Variants in ZFHX2 observed in about 807,000 individuals in gnomAD.
ZFHX2 encodes the protein zinc finger homeobox protein 2.
ZFHX2 carries 75 observed loss-of-function variants against 164.8 expected under a neutral mutation model. The observed-to-expected ratio is 0.46, with a 90% confidence interval of 0.38 to 0.55. The LOEUF (loss-of-function observed/expected upper bound fraction) is 0.55, where lower values mean the gene tolerates loss of function less well. ZFHX2 is among the 20% of genes least tolerant of loss of function. The probability of loss-of-function intolerance (pLI) is 0.00; values close to 1 mark genes in which losing one functional copy is unlikely to be tolerated. For synonymous variants in ZFHX2, 1,217 were observed against 1,351.4 expected (o/e 0.90, Z 2.18); for missense variants, 2,933 against 3,308.0 (o/e 0.89, Z 2.78).
Position 23,530,168 on chromosome 14 carries a change from C to A in ZFHX2, c.2827G>T (p.Glu943Ter), listed in dbSNP as rs779015883. 1 of 1,535,658 alleles carries A rather than the reference C, an allele frequency of 6.5e-7. No individual in the cohort carries two copies. Among genetic ancestry groups the A allele is most frequent in the South Asian group, 1.2e-5 (1 of 84,036 alleles). Reference sequence around the variant, plus strand: ...GCATCTTTCTCAGGGGTGGGTGGCTCAGCTAAGGGGGTGACAGGAGCCTTC... The same window carrying A: ...GCATCTTTCTCAGGGGTGGGTGGCTAAGCTAAGGGGGTGACAGGAGCCTTC... ...PGKAPVTPLA[E>*]PPTPEKDAQN... The change falls in exon 5 of 10, where the codon GAG (glutamate) becomes TAG (stop). Residue 943 changes from glutamate to a stop codon, truncating the protein, a stop_gained. Coordinates refer to ENST00000419474, the MANE Select transcript of ZFHX2 (RefSeq NM_033400.3). LOFTEE classifies it high-confidence loss of function.
chr14:23,526,158 T>C lies in ZFHX2; in HGVS notation c.3784A>G (p.Thr1262Ala). The C allele has an allele frequency of 5.2e-6, 8 of 1,536,268 alleles. No homozygotes were observed. The highest frequency in any genetic ancestry group is 7.0e-6 in the Non-Finnish European group (8 of 1,146,866). Residue 1262 changes from threonine to alanine, a missense_variant, in exon 9 of 10, where the codon ACC becomes GCC. Physicochemically the swap from Thr to Ala is moderately conservative, Grantham distance 58 (BLOSUM62 0). Transcript: ENST00000419474. ...ACTGACCGCATGTGGATCTCCAGGGTGGAGCTCTGGTTGTAGGAGACTCTG... is the reference window on the plus strand; with the variant it reads ...ACTGACCGCATGTGGATCTCCAGGGCGGAGCTCTGGTTGTAGGAGACTCTG... Reference protein sequence around the residue: ...VCRVSYNQSSTLEIHMRSVLH... With the variant: ...VCRVSYNQSSALEIHMRSVLH...
rs45592438 is a variant in ZFHX2 at position 23,521,624 on chromosome 14, G to A, written c.*338C>T. The stretch of plus-strand genomic sequence containing the variant: ...GAGCTGGGAATTCAGTGAGGAAAAG[G>A]AAGATAGAACCAAGGATATATTTTG... On this transcript the variant is annotated 3_prime_UTR_variant, in exon 10 of 10. Coordinates refer to ENST00000419474, the MANE Select transcript of ZFHX2 (RefSeq NM_033400.3). The A allele has an allele frequency of 0.018, 4,597 of 249,930 alleles. 59 individuals carry two copies. The highest frequency in any genetic ancestry group is 0.025 in the Non-Finnish European group (3,304 of 130,342). The allele number at this position is 249,930 out of a possible 1,614,324, so 15.5% of individuals were successfully genotyped here.
At chr14:23,528,758 A>T (rs1879119762) in intron 6 of ZFHX2, 1 of 985,202 alleles carries the variant, frequency 1.0e-6, no homozygotes, top group Non-Finnish European at 1.2e-6. Flanking sequence ...GCCCAGGAAA[A>T]TTCTGGCCCA....
chr14:23,526,508 G>C lies in ZFHX2; in HGVS notation c.3434C>G (p.Thr1145Ser). Residue 1145 changes from threonine to serine, a missense_variant, in exon 9 of 10, where the codon ACC becomes AGC. Coordinates refer to ENST00000419474, the MANE Select transcript of ZFHX2 (RefSeq NM_033400.3). The stretch of plus-strand genomic sequence containing the variant: ...GGTCCCCTCTTCCTCCTCAGCCATG[G>C]TGGGCGGAGGAGCTACGTCTTCAGC... ...AQAEDVAPPPTMAEEEEGTTG... is the reference protein window; with the variant it reads ...AQAEDVAPPPSMAEEEEGTTG... 6.5e-7 allele frequency: 1 copy of C among 1,536,034 alleles called. No homozygotes were observed. The highest frequency in any genetic ancestry group is 1.2e-5 in the South Asian group (1 of 84,052).
chr14:23,528,907 G>A (rs1302846631), intron 6 of ZFHX2: 10 of 878,558 alleles, frequency 1.1e-5, no homozygotes, highest in African/African-American at 1.8e-5. Context: ...GGGAGGGGAT[G>A]ACTGTAAAGG....
At position 23,525,027 on chromosome 14, in the gene ZFHX2, C is replaced by G; in HGVS notation, c.4915G>C (p.Val1639Leu). Residue 1639 changes from valine to leucine, a missense_variant, in exon 9 of 10, where the codon GTG (valine) becomes CTG (leucine). Val to Leu is a conservative substitution (Grantham distance 32). Transcript: ENST00000419474. The surrounding 1 kb of genome is among the most constrained non-coding windows in gnomAD (Gnocchi z 5.9). The stretch of plus-strand genomic sequence containing the variant: ...CGGGCATTCTGGAACCACACCACCA[C>G]CACACGGCTAGCCAGACCCAACAGA... ...ASLLGLASRV[V>L]VVWFQNARQK... is the part of the protein sequence containing the mutation. 6.5e-7 allele frequency: 1 copy of G among 1,536,230 alleles called. No homozygotes were observed. Among genetic ancestry groups the G allele is most frequent in the South Asian group, 1.2e-5 (1 of 84,068 alleles).
intron 1 of ZFHX2, among the ~76,000 whole-genome samples, chr14:23,541,114 C>G (rs1880759116): frequency 6.6e-6 from 1 of 151,850 alleles, no homozygotes; most frequent in South Asian, 2.1e-4. Flanking sequence ...CCATGTTGGC[C>G]AGGCTGGTCT....
upstream of ZFHX2, among the ~76,000 whole-genome samples, chr14:23,554,960 CA>C (rs1459638177): frequency 6.6e-6 from 1 of 152,140 alleles, no homozygotes; most frequent in Non-Finnish European, 1.5e-5. Flanking sequence ...CCAAAGCATT[CA>C]AAGGGCCAAC....
rs2138633954 is a variant in ZFHX2, at chr14:23,521,472, GCCT to G, written c.*487_*489del. The G allele has an allele frequency of 6.4e-6, 1 of 155,064 alleles. No homozygotes were observed. Among genetic ancestry groups the G allele is most frequent in the African/African-American group, 2.4e-5 (1 of 41,580 alleles). 9.6% of individuals were successfully genotyped at this position (155,064 alleles called of 1,614,324 possible). Reference sequence around the variant, plus strand: ...AGTTTGTTTTCCTTCCCCCTTCTTTGCCTTGGGCTTTCTTTTTCGTTTCTTCTT... The same window carrying G: ...AGTTTGTTTTCCTTCCCCCTTCTTTGTGGGCTTTCTTTTTCGTTTCTTCTT... On this transcript the variant is annotated 3_prime_UTR_variant, in exon 10 of 10. Coordinates refer to ENST00000419474, the MANE Select transcript of ZFHX2 (RefSeq NM_033400.3).
At position 23,525,736 on chromosome 14, in the gene ZFHX2, C is replaced by T; in HGVS notation, c.4206G>A (p.Lys1402=). The T allele has an allele frequency of 6.6e-7, 1 of 1,513,778 alleles. No homozygotes were observed. Among genetic ancestry groups the T allele is most frequent in the Non-Finnish European group, 8.8e-7 (1 of 1,134,996 alleles). The allele number at this position is 1,513,778 out of a possible 1,614,324, so 93.8% of individuals were successfully genotyped here. The change falls in exon 9 of 10, where the codon AAG becomes AAA. Residue 1402 remains lysine, a synonymous_variant. Transcript: ENST00000419474. The surrounding 1 kb of genome is among the most constrained non-coding windows in gnomAD (Gnocchi z 5.9). ...ATPPPPPQPP[K]AELAEREWER... ...CCCACTCCCGCTCAGCCAGCTCAGC[C>T]TTGGGAGGTTGGGGTGGAGGAGGAG...
rs1047689822 is a variant in ZFHX2, at chr14:23,535,707, C to G, written c.-49-333G>C. Among the ~76,000 whole-genome samples the G allele has an allele frequency of 1.3e-5, 2 of 152,134 alleles. No homozygotes were observed. Among genetic ancestry groups the G allele is most frequent in the African/African-American group, 4.8e-5 (2 of 41,418 alleles). On this transcript the variant is annotated intron_variant, in intron 1 of 9. Transcript: ENST00000419474. The surrounding 1 kb of genome is among the most constrained non-coding windows in gnomAD (Gnocchi z 4.5). ...TCCTGGGTTCAAGTGATTCTCCTGC[C>G]TCAGCCTCCTGAGTAGCTGGGATTA...
In ZFHX2 at chr14:23,526,270, A is replaced by T; in HGVS notation, c.3672T>A (p.Ile1224=). ...CTCCCCGTGCAGGGGCAGAGGGGTCAATGGCAGCCTTCTTCATCTTGTGAA... is the reference window on the plus strand; with the variant it reads ...CTCCCCGTGCAGGGGCAGAGGGGTCTATGGCAGCCTTCTTCATCTTGTGAA... The part of the protein sequence containing the change: ...SHLHKMKKAA[I]DPSAPARGEA... Residue 1224 remains isoleucine, a synonymous_variant, in exon 9 of 10, where the codon ATT becomes ATA. Coordinates refer to ENST00000419474, the MANE Select transcript of ZFHX2 (RefSeq NM_033400.3). The T allele has an allele frequency of 6.5e-7, 1 of 1,536,346 alleles. No homozygotes were observed. The highest frequency in any genetic ancestry group is 8.7e-7 in the Non-Finnish European group (1 of 1,146,912).
At position 23,524,375 on chromosome 14, in the gene ZFHX2, C is replaced by CT; in HGVS notation, c.5566dup (p.Arg1856LysfsTer12). 2 of 1,536,232 alleles carry CT rather than the reference C, an allele frequency of 1.3e-6. No individual in the cohort carries two copies. The highest frequency in any genetic ancestry group is 1.7e-6 in the Non-Finnish European group (2 of 1,146,924). ...GATGGTGGTGCGCAGGCGCTTGTCC[C>CT]TGGGGGGCTCGCCCTCCCCTCCTCC... On this transcript the variant is annotated frameshift_variant, in exon 9 of 10. Transcript: ENST00000419474. LOFTEE classifies it high-confidence loss of function. This position sits in a 1 kb window ranked among gnomAD's most constrained non-coding sequence, Gnocchi z 5.6.
Position 23,521,754 on chromosome 14 carries a change from C to A in ZFHX2, c.*208G>T. 1.2e-6 allele frequency: 1 copy of A among 839,810 alleles called. No homozygotes were observed. Among genetic ancestry groups the A allele is most frequent in the East Asian group, 2.8e-5 (1 of 35,332 alleles). The allele number at this position is 839,810 out of a possible 1,614,324, so 52.0% of individuals were successfully genotyped here. On this transcript the variant is annotated 3_prime_UTR_variant, in exon 10 of 10. Coordinates refer to ENST00000419474, the MANE Select transcript of ZFHX2 (RefSeq NM_033400.3). ...TCTGCAAGGAGCTGAGGAGGAGGATCAATGTGTGTGTCTGTGGGGATTGGG... is the reference window on the plus strand; with the variant it reads ...TCTGCAAGGAGCTGAGGAGGAGGATAAATGTGTGTGTCTGTGGGGATTGGG...
intron 1 of ZFHX2, chr14:23,543,333 A>G (rs953810463): frequency 5.9e-5 from 9 of 151,516 alleles, no homozygotes; most frequent in African/African-American, 1.9e-4. Context: ...CTGCTTAAAA[A>G]GAAGTAGAGT....
At chr14:23,529,659 C>G in intron 6 of ZFHX2, 51 bp downstream of exon 6, 1 of 1,475,164 alleles carries the variant, frequency 6.8e-7, no homozygotes, top group Non-Finnish European at 9.2e-7. Flanking sequence ...GAGCAGATCT[C>G]AGTAAAGCCA....
rs372427688 is a variant in ZFHX2, at chr14:23,534,003, C to A, written c.1323G>T (p.Met441Ile). 3.3e-6 allele frequency: 5 copies of A among 1,537,194 alleles called. No homozygotes were observed. In the African/African-American group the frequency reaches 4.1e-5, roughly 13 times the overall value. ...AFQGLSLSSH[M>I]SLLHSRNSCK... is the part of the protein sequence containing the mutation. The stretch of plus-strand genomic sequence containing the variant: ...AGGAGTTGCGTGAGTGGAGCAGGGA[C>A]ATGTGGCTGGACAGGCTGAGGCCCT... Residue 441 changes from methionine (M) to isoleucine (I), a missense_variant, in exon 2 of 10, where the codon ATG (methionine) becomes ATT (isoleucine). Coordinates refer to ENST00000419474, the MANE Select transcript of ZFHX2 (RefSeq NM_033400.3). The surrounding 1 kb of genome is among the most constrained non-coding windows in gnomAD (Gnocchi z 4.5).
In ZFHX2 at chr14:23,525,476, A is replaced by G. The variant is rs1878583051; in HGVS notation, c.4466T>C (p.Phe1489Ser). The G allele has an allele frequency of 6.5e-7, 1 of 1,535,778 alleles. No individual in the cohort carries two copies. Among genetic ancestry groups the G allele is most frequent in the Admixed American group, 2.0e-5 (1 of 50,980 alleles). ...TGTCTTGAGGATAAGCATATTGGAGAAGAGTTTCCCACAGGCCCCACAGGC... is the reference window on the plus strand; with the variant it reads ...TGTCTTGAGGATAAGCATATTGGAGGAGAGTTTCCCACAGGCCCCACAGGC... ...KLACGACGKL[F>S]SNMLILKTHE... Residue 1489 changes from phenylalanine (F) to serine (S), a missense_variant, in exon 9 of 10, where the codon TTC (phenylalanine) becomes TCC (serine). Transcript: ENST00000419474. This position sits in a 1 kb window ranked among gnomAD's most constrained non-coding sequence, Gnocchi z 5.9.
chr14:23,526,721 T>A (rs1383005299), intron 8 of ZFHX2, 42 bp from the exon 9 acceptor site: 1 of 1,535,438 alleles, frequency 6.5e-7, no homozygotes, highest in Non-Finnish European at 8.7e-7. Context: ...GGGAACTTCG[T>A]TTAAGCCAGA....
Sources: gnomAD v4.1 joint callset for allele counts (sites outside exome capture counted in the v4.1 genomes callset) on GRCh38, gnomAD v4.1.1 for gene constraint, Gnocchi (gnomAD v3.1) non-coding constraint, MANE v1.5 for transcripts, NCBI Gene and HGNC (gene_info 2026-07-23, HGNC 2026-07-21) for gene names.